Variants in MPP7 observed in about 807,000 individuals in gnomAD.
MPP7 encodes MAGUK p55 scaffold protein 7, also known as MAGUK p55 subfamily member 7.
A neutral mutation model predicts 76.5 loss-of-function variants in MPP7; 60 were observed. That is an observed-to-expected ratio of 0.78 (90% CI 0.64 to 0.97). The LOEUF (loss-of-function observed/expected upper bound fraction) is 0.97. MPP7 is among the 50% of genes least tolerant of loss of function. The probability of loss-of-function intolerance (pLI) is 0.00; values close to 1 mark genes in which losing one functional copy is unlikely to be tolerated. For missense variants in MPP7, 641 were observed against 694.0 expected (o/e 0.92, Z 0.86); for synonymous variants, 237 against 244.5 (o/e 0.97, Z 0.29).
intron 3 of MPP7, among the ~76,000 whole-genome samples, chr10:28,188,156 T>C (rs556154544): frequency 1.3e-5 from 2 of 152,312 alleles, no homozygotes; most frequent in South Asian, 4.1e-4. Context: ...CATATTAATA[T>C]GGAGATTCAA....
chr10:28,167,877 T>C (rs1836538332), intron 3 of MPP7, among the ~76,000 whole-genome samples: 1 of 152,198 alleles, frequency 6.6e-6, no homozygotes, highest in Non-Finnish European at 1.5e-5. Context: ...TTTGCCAATC[T>C]AGAGGACCTA....
At chr10:28,262,250 T>C (rs1376936632) in intron 1 of MPP7, among the ~76,000 whole-genome samples, 4 of 54,690 alleles carry the variant, frequency 7.3e-5, no homozygotes, top group African/African-American at 3.1e-4. Flanking sequence ...TATACATATA[T>C]ATATATATGT....
chr10:28,285,444 C>T (rs1051780480), intron 1 of MPP7, among the ~76,000 whole-genome samples: 1 of 152,292 alleles, frequency 6.6e-6, no homozygotes, highest in Non-Finnish European at 1.5e-5. Context: ...CTCGGCCTCC[C>T]AAAGTGCTAG....
intron 1 of MPP7, among the ~76,000 whole-genome samples, chr10:28,285,434 C>T (rs1392492837): frequency 6.6e-6 from 1 of 152,192 alleles, no homozygotes; most frequent in Non-Finnish European, 1.5e-5. Context: ...ATCCGTCCAC[C>T]TCGGCCTCCC....
At chr10:28,283,032 A>G (rs1176922715) in intron 1 of MPP7, among the ~76,000 whole-genome samples, 2 of 152,012 alleles carry the variant, frequency 1.3e-5, no homozygotes, top group Non-Finnish European at 2.9e-5. Context: ...TTTCATAACA[A>G]TGTCATGCCT....
At chr10:28,070,809 G>A (rs926953719) in intron 12 of MPP7, among the ~76,000 whole-genome samples, 27 of 152,144 alleles carry the variant, frequency 1.8e-4, no homozygotes, top group African/African-American at 6.5e-4. Context: ...TTATGAGTCC[G>A]GGACCAGAAA....
chr10:28,105,543 T>C (rs1280271874), intron 11 of MPP7, among the ~76,000 whole-genome samples: 1 of 152,212 alleles, frequency 6.6e-6, no homozygotes, highest in African/African-American at 2.4e-5. Context: ...AATCTGGCTC[T>C]GTCACCCAGG....
chr10:28,282,588 T>C (rs12413470), intron 1 of MPP7, among the ~76,000 whole-genome samples: 9,228 of 151,892 alleles, frequency 0.061, 483 homozygotes, highest in African/African-American at 0.12. Flanking sequence ...AACGCACAAT[T>C]GGGGCGGTGG....
chr10:28,197,465 G>A (rs749297760), intron 3 of MPP7, among the ~76,000 whole-genome samples: 4 of 152,076 alleles, frequency 2.6e-5, no homozygotes, highest in Non-Finnish European at 5.9e-5. Flanking sequence ...TTACAGGCAT[G>A]AGCCACCACA....
intron 13 of MPP7, among the ~76,000 whole-genome samples, chr10:28,065,824 A>T (rs1378838374): frequency 6.6e-6 from 1 of 152,228 alleles, no homozygotes; most frequent in Non-Finnish European, 1.5e-5. Context: ...AAACTGCAAT[A>T]TACATCTTTC....
chr10:28,322,286 C>T (rs925025068), intron 2 of MPP7, among the ~76,000 whole-genome samples: 6 of 152,000 alleles, frequency 3.9e-5, no homozygotes, highest in Admixed American at 6.6e-5. Context: ...GGATGTCTTG[C>T]GGTTCCTGCT....
intron 11 of MPP7, among the ~76,000 whole-genome samples, chr10:28,105,535 T>C (rs1221415712): frequency 6.6e-6 from 1 of 152,184 alleles, no homozygotes; most frequent in Non-Finnish European, 1.5e-5. Context: ...TGAGACAGAA[T>C]CTGGCTCTGT....
chr10:28,133,119 C>T (rs1245548384), intron 5 of MPP7, among the ~76,000 whole-genome samples: 1 of 152,222 alleles, frequency 6.6e-6, no homozygotes, highest in Non-Finnish European at 1.5e-5. Flanking sequence ...TGTCAGGTCC[C>T]TGGTCTAGAT....
intron 13 of MPP7, among the ~76,000 whole-genome samples, chr10:28,064,528 T>C (rs1564612905): frequency 6.6e-6 from 1 of 152,248 alleles, no homozygotes; most frequent in Non-Finnish European, 1.5e-5. Context: ...TGCTGATGTT[T>C]TCACATGTGT....
chr10:28,230,041 C>T (rs1838830406), intron 2 of MPP7, among the ~76,000 whole-genome samples: 1 of 152,030 alleles, frequency 6.6e-6, no homozygotes, highest in Admixed American at 6.6e-5. Flanking sequence ...TTAGCTTGTC[C>T]ATGGTGACAA....
At chr10:28,108,531 C>A (rs181695913) in intron 11 of MPP7, among the ~76,000 whole-genome samples, 190 of 151,990 alleles carry the variant, frequency 1.3e-3, no homozygotes, top group African/African-American at 4.4e-3. Context: ...GTGGTGCAGG[C>A]CTGTAGTCCA....
In MPP7 at chr10:28,054,131, G is replaced by A; in HGVS notation, c.1665C>T (p.Leu555=). The stretch of plus-strand genomic sequence containing the variant: ...TCTCTAATTTGTCAAAAGTTGTTTT[G>A]AGCTCATTGAATGCCACAGTGAGGT... The part of the protein sequence containing the change: ...NDDLTVAFNE[L]KTTFDKLETE... Residue 555 remains leucine (L), a synonymous_variant, in exon 17 of 17, where the codon CTC becomes CTT. Coordinates refer to ENST00000683449, the MANE Select transcript of MPP7 (RefSeq NM_001318170.2). 6.2e-7 allele frequency: 1 copy of A among 1,613,358 alleles called. No homozygotes were observed. The highest frequency in any genetic ancestry group is 8.5e-7 in the Non-Finnish European group (1 of 1,179,624).
intron 11 of MPP7, among the ~76,000 whole-genome samples, chr10:28,111,365 G>A (rs1317646208): frequency 6.6e-6 from 1 of 152,124 alleles, no homozygotes; most frequent in African/African-American, 2.4e-5. Context: ...GTTTTAAAAA[G>A]AATGCATACA....
intron 1 of MPP7, among the ~76,000 whole-genome samples, chr10:28,244,813 C>T (rs1418341818): frequency 6.6e-6 from 1 of 152,150 alleles, no homozygotes; most frequent in Admixed American, 6.5e-5. Flanking sequence ...CCCTTAGGGA[C>T]TCATCTAGTG....
Sources: gnomAD v4.1 joint callset for allele counts (sites outside exome capture counted in the v4.1 genomes callset) on GRCh38, gnomAD v4.1.1 for gene constraint, MANE v1.5 for transcripts, NCBI Gene and HGNC (gene_info 2026-07-23, HGNC 2026-07-21) for gene names.